The following JAKMIP2 variants were observed in gnomAD, a reference collection of about 807,000 sequenced individuals.
The protein encoded by JAKMIP2 is janus kinase and microtubule interacting protein 2.
JAKMIP2 carries 25 observed loss-of-function variants against 115.0 expected under a neutral mutation model. That is an observed-to-expected ratio of 0.22 (90% CI 0.16 to 0.30). JAKMIP2 has a LOEUF of 0.30. JAKMIP2 is among the 10% of genes least tolerant of loss of function. The pLI is 1.00. For synonymous variants in JAKMIP2, 334 were observed against 343.6 expected, an observed-to-expected ratio of 0.97 and a Z score of 0.31; for missense variants, 642 against 957.6, an observed-to-expected ratio of 0.67 and a Z score of 4.35.
At chr5:147,628,135 C>T (rs544672979) in intron 16 of JAKMIP2, among the ~76,000 whole-genome samples, 6 of 152,250 alleles carry the variant, frequency 3.9e-5, no homozygotes, top group African/African-American at 1.4e-4. Context: ...GAGCCTCCTC[C>T]CTCAGCCTCC....
Position 147,632,819 on chromosome 5 carries a change from A to C in JAKMIP2, c.1678-41T>G, listed in dbSNP as rs376806503. ...CTGAAGTTAGGTAAGCATTGAGAAAAGCACCTACAACTTTGCAAAGCATGA... is the reference window on the plus strand; with the variant it reads ...CTGAAGTTAGGTAAGCATTGAGAAACGCACCTACAACTTTGCAAAGCATGA... On this transcript the variant is annotated intron_variant, in intron 12 of 21. Coordinates refer to ENST00000616793, the MANE Select transcript of JAKMIP2 (RefSeq NM_001270941.2). 3.1e-6 allele frequency: 4 copies of C among 1,292,206 alleles called. No homozygotes were observed. In the African/African-American group the frequency reaches 4.4e-5, roughly 14 times the overall value. 80.0% of individuals were successfully genotyped at this position (1,292,206 alleles called of 1,614,324 possible). A position where few individuals can be genotyped will look rare whatever the true frequency, so the allele number is the denominator to read the frequency against.
intron 1 of JAKMIP2, among the ~76,000 whole-genome samples, chr5:147,770,168 T>C (rs1458528989): frequency 6.6e-6 from 1 of 152,164 alleles, no homozygotes; most frequent in Admixed American, 6.6e-5. Context: ...ATTTTTTCTA[T>C]ATCACTAAAC....
chr5:147,686,030 G>A (rs1486397402), intron 1 of JAKMIP2, among the ~76,000 whole-genome samples: 5 of 152,170 alleles, frequency 3.3e-5, no homozygotes. Context: ...AGTGAGGCTG[G>A]AACACAATGG....
At chr5:147,763,084 GT>G (rs1404175266) in intron 1 of JAKMIP2, among the ~76,000 whole-genome samples, 4 of 152,082 alleles carry the variant, frequency 2.6e-5, no homozygotes, top group African/African-American at 9.7e-5. Flanking sequence ...ATGACAAAGG[GT>G]GAGTAGCCTG....
At chr5:147,727,951 G>A (rs1429034724) in intron 1 of JAKMIP2, among the ~76,000 whole-genome samples, 2 of 152,136 alleles carry the variant, frequency 1.3e-5, no homozygotes, top group African/African-American at 4.8e-5. Context: ...AAAAACAGAA[G>A]AGGGGCCACA....
chr5:147,763,003 A>C (rs1423617207), intron 1 of JAKMIP2, among the ~76,000 whole-genome samples: 3 of 152,124 alleles, frequency 2.0e-5, no homozygotes, highest in Non-Finnish European at 2.9e-5. Context: ...CTAAGGAACA[A>C]TATACATGTG....
At chr5:147,651,584 A>G (rs752010003) in intron 3 of JAKMIP2, among the ~76,000 whole-genome samples, 1 of 150,528 alleles carries the variant, frequency 6.6e-6, no homozygotes, top group Non-Finnish European at 1.5e-5. Context: ...ACAAAACAAT[A>G]CTTTTGTATA....
At chr5:147,614,014 A>G (rs1381082924) in intron 19 of JAKMIP2, among the ~76,000 whole-genome samples, 1 of 152,232 alleles carries the variant, frequency 6.6e-6, no homozygotes, top group Non-Finnish European at 1.5e-5. Flanking sequence ...TAAATTTGCT[A>G]GATATTTCCA....
chr5:147,631,286 T>C, intron 14 of JAKMIP2, 127 bp downstream of exon 14: 1 of 576,686 alleles, frequency 1.7e-6, no homozygotes, highest in Middle Eastern at 3.1e-4. Flanking sequence ...TTTCAATTCC[T>C]ACATAGTTTG....
At chr5:147,730,895 G>C (rs1452703982) in intron 1 of JAKMIP2, among the ~76,000 whole-genome samples, 1 of 152,112 alleles carries the variant, frequency 6.6e-6, no homozygotes, top group East Asian at 1.9e-4. Context: ...TGCTCATGCT[G>C]TATTAGGAGG....
At chr5:147,715,706 AGTC>A (rs1752951233) in intron 1 of JAKMIP2, among the ~76,000 whole-genome samples, 1 of 151,952 alleles carries the variant, frequency 6.6e-6, no homozygotes, top group Non-Finnish European at 1.5e-5. Flanking sequence ...ACAAGACCAT[AGTC>A]GTAGTAGGAG....
chr5:147,622,192 T>C (rs181300716), intron 17 of JAKMIP2, among the ~76,000 whole-genome samples: 3 of 152,352 alleles, frequency 2.0e-5, no homozygotes, highest in African/African-American at 7.2e-5. Flanking sequence ...TTTCTATGCA[T>C]TGCTGTAAGT....
intron 3 of JAKMIP2, 39 bp from the exon 4 acceptor site, chr5:147,650,586 G>T: frequency 6.8e-7 from 1 of 1,462,442 alleles, no homozygotes; most frequent in Non-Finnish European, 9.5e-7. Flanking sequence ...ATTTAACAAT[G>T]CTGTAAAGAA....
At chr5:147,629,531 T>C (rs1274535621) in intron 15 of JAKMIP2, among the ~76,000 whole-genome samples, 162 bp downstream of exon 15, 2 of 152,142 alleles carry the variant, frequency 1.3e-5, no homozygotes, top group Non-Finnish European at 2.9e-5. Context: ...TTACAACCCC[T>C]TAGCCAAGTT....
At chr5:147,643,451 C>T (rs1757976330) in intron 7 of JAKMIP2, among the ~76,000 whole-genome samples, 2 of 152,154 alleles carry the variant, frequency 1.3e-5, no homozygotes, top group South Asian at 4.2e-4. Flanking sequence ...AAGAAGAAAA[C>T]CCAAAGGCAC....
chr5:147,718,330 T>A (rs1249135595), intron 1 of JAKMIP2, among the ~76,000 whole-genome samples: 1 of 150,064 alleles, frequency 6.7e-6, no homozygotes, highest in East Asian at 2.0e-4. Flanking sequence ...TGTCTCTGCC[T>A]GGCTTTGGTA....
Position 147,585,718 on chromosome 5 carries a change from C to A in JAKMIP2, c.*5989G>T, listed in dbSNP as rs1754840325. 1 of 152,010 alleles carries A rather than the reference C, an allele frequency of 6.6e-6. No homozygotes were observed. Among genetic ancestry groups the A allele is most frequent in the African/African-American group, 2.4e-5 (1 of 41,382 alleles). The allele number at this position is 152,010 out of a possible 1,614,324, so 9.4% of individuals were successfully genotyped here. The stretch of plus-strand genomic sequence containing the variant: ...ATGCTAATGAGATGGAAAGAAAGAA[C>A]CCCAATTGAGGCAGTTGATTGAATG... On this transcript the variant is annotated 3_prime_UTR_variant, in exon 22 of 22. Transcript: ENST00000616793.
At chr5:147,736,408 A>G (rs1208600980) in intron 1 of JAKMIP2, among the ~76,000 whole-genome samples, 1 of 152,172 alleles carries the variant, frequency 6.6e-6, no homozygotes, top group African/African-American at 2.4e-5. Context: ...CAGTGAGCCA[A>G]GATTGCGCCA....
intron 1 of JAKMIP2, among the ~76,000 whole-genome samples, chr5:147,753,701 T>A (rs1479866903): frequency 6.6e-6 from 1 of 152,184 alleles, no homozygotes; most frequent in Non-Finnish European, 1.5e-5. Context: ...ACTCACACAT[T>A]CCTCAGTGTA....
Sources: gnomAD v4.1 joint callset for allele counts (sites outside exome capture counted in the v4.1 genomes callset) on GRCh38, gnomAD v4.1.1 for gene constraint, MANE v1.5 for transcripts, NCBI Gene and HGNC (gene_info 2026-07-23, HGNC 2026-07-21) for gene names.